KCNIP4: variants seen among roughly 807,000 people sequenced by gnomAD.
The protein encoded by KCNIP4 is potassium voltage-gated channel interacting protein 4.
In KCNIP4, 12 loss-of-function variants were observed where a neutral mutation model predicts 34.0. That is an observed-to-expected ratio of 0.35 (90% CI 0.23 to 0.57). The LOEUF is 0.57. Among genes scored for constraint, KCNIP4 ranks in the 20% least tolerant of loss-of-function variants. The probability of loss-of-function intolerance (pLI) is 0.83; values close to 1 mark genes in which losing one functional copy is unlikely to be tolerated. For synonymous variants in KCNIP4, 124 were observed against 102.2 expected (o/e 1.21, Z -1.29); for missense variants, 238 against 311.7 (o/e 0.76, Z 1.78).
chr4:21,540,277 TAA>T (rs1737570436), intron 1 of KCNIP4, among the ~76,000 whole-genome samples: 2 of 152,154 alleles, frequency 1.3e-5, no homozygotes, highest in South Asian at 4.1e-4. Flanking sequence ...GCCAAATATT[TAA>T]AAGAAGAAGT....
At chr4:21,800,902 T>C (rs1404194744) in intron 1 of KCNIP4, among the ~76,000 whole-genome samples, 4 of 152,182 alleles carry the variant, frequency 2.6e-5, no homozygotes, top group East Asian at 1.9e-4. Flanking sequence ...AAAAAGATTA[T>C]GGTCATAACA....
intron 1 of KCNIP4, among the ~76,000 whole-genome samples, chr4:21,000,674 T>G (rs1738048886): frequency 6.6e-6 from 1 of 151,448 alleles, no homozygotes; most frequent in African/African-American, 2.4e-5. Context: ...AAAAAGAACA[T>G]AACTTCGTCT....
chr4:21,615,290 T>C (rs1032427595), intron 1 of KCNIP4, among the ~76,000 whole-genome samples: 45 of 151,900 alleles, frequency 3.0e-4, no homozygotes, highest in Middle Eastern at 3.4e-3. Context: ...CCTGTAATCC[T>C]AGCACTTTGG....
At chr4:21,831,574 TACATGTCCCAAG>T (rs1722992052) in intron 1 of KCNIP4, among the ~76,000 whole-genome samples, 1 of 142,010 alleles carries the variant, frequency 7.0e-6, no homozygotes, top group Admixed American at 7.7e-5. Flanking sequence ...CCTAGCAGCA[TACATGTCCCAAG>T]ACTAAATCAT....
intron 1 of KCNIP4, among the ~76,000 whole-genome samples, chr4:21,648,689 C>CAT: frequency 6.6e-6 from 1 of 152,236 alleles, no homozygotes; most frequent in South Asian, 2.1e-4. Context: ...TTTTCATTCA[C>CAT]ATATAGATCA....
chr4:21,364,850 A>G lies in KCNIP4; in HGVS notation c.62-482141T>C, dbSNP rs145643788. ...AGAGTACTATTTGTTAGAGGCAACT[A>G]TCTTAGAAGAAAAAGTACATGAGTT... On this transcript the variant is annotated intron_variant, in intron 1 of 8. Transcript: ENST00000382152. Among the ~76,000 whole-genome samples the G allele has an allele frequency of 6.7e-3, 1,013 of 152,320 alleles. 12 individuals carry two copies. Among genetic ancestry groups the G allele is most frequent in the African/African-American group, 0.023 (968 of 41,566 alleles).
chr4:21,640,151 A>G (rs1746505289), intron 1 of KCNIP4, among the ~76,000 whole-genome samples: 1 of 152,188 alleles, frequency 6.6e-6, no homozygotes. Flanking sequence ...AGCCAATGCC[A>G]TAGGACTGCC....
intron 2 of KCNIP4, among the ~76,000 whole-genome samples, chr4:20,863,192 G>A (rs1722395759): frequency 6.6e-6 from 1 of 152,108 alleles, no homozygotes. Context: ...TTTAGAGGTA[G>A]GAGTTTTTAA....
chr4:21,719,592 G>T (rs1714636986), intron 1 of KCNIP4, among the ~76,000 whole-genome samples: 1 of 152,118 alleles, frequency 6.6e-6, no homozygotes, highest in Non-Finnish European at 1.5e-5. Flanking sequence ...TCCATTGTGT[G>T]GTTCAGTAGA....
chr4:21,154,308 TA>T (rs1345125508), intron 1 of KCNIP4, among the ~76,000 whole-genome samples: 3 of 152,194 alleles, frequency 2.0e-5, no homozygotes, highest in African/African-American at 7.2e-5. Flanking sequence ...CAAATATGTA[TA>T]ACTATTATGT....
chr4:21,675,344 A>C (rs1415791428), intron 1 of KCNIP4, among the ~76,000 whole-genome samples: 2 of 152,096 alleles, frequency 1.3e-5, no homozygotes, highest in Non-Finnish European at 1.5e-5. Flanking sequence ...GGGTGCAAAA[A>C]ATAATTAGAA....
chr4:21,863,015 AT>A (rs561845662), intron 1 of KCNIP4, among the ~76,000 whole-genome samples: 6 of 151,678 alleles, frequency 4.0e-5, no homozygotes, highest in Admixed American at 6.6e-5. Context: ...ACCTTAAGTG[AT>A]TTTTTTTCCC....
At chr4:20,961,530 CAG>C (rs796308310) in intron 1 of KCNIP4, among the ~76,000 whole-genome samples, 5 of 152,240 alleles carry the variant, frequency 3.3e-5, no homozygotes, top group African/African-American at 1.2e-4. Context: ...GGAACATACA[CAG>C]AGTTTTAAAA....
chr4:21,122,950 C>T (rs932683490), intron 1 of KCNIP4, among the ~76,000 whole-genome samples: 12 of 152,112 alleles, frequency 7.9e-5, no homozygotes, highest in Non-Finnish European at 1.5e-4. Flanking sequence ...GTGGCTCATG[C>T]CTGTAATCCC....
chr4:21,634,463 C>T (rs1260736663), intron 1 of KCNIP4, among the ~76,000 whole-genome samples: 1 of 151,952 alleles, frequency 6.6e-6, no homozygotes, highest in African/African-American at 2.4e-5. Context: ...GGAGGATCTT[C>T]AGAGATCATA....
intron 1 of KCNIP4, among the ~76,000 whole-genome samples, chr4:21,259,088 T>C (rs1761282403): frequency 6.6e-6 from 1 of 152,200 alleles, no homozygotes; most frequent in Non-Finnish European, 1.5e-5. Context: ...ACTTTTCACG[T>C]CATACTGATA....
chr4:21,945,782 T>C (rs2109024797), intron 1 of KCNIP4, among the ~76,000 whole-genome samples: 1 of 152,078 alleles, frequency 6.6e-6, no homozygotes, highest in Non-Finnish European at 1.5e-5. Flanking sequence ...GATTACGTTC[T>C]GATTTTATAG....
At chr4:20,732,901 A>G (rs1748682721) in intron 6 of KCNIP4, 116 bp from the exon 7 acceptor site, 5 of 639,222 alleles carry the variant, frequency 7.8e-6, no homozygotes, top group Non-Finnish European at 1.3e-5. Flanking sequence ...TGTTTGTTGG[A>G]TTCTTTGTTA....
intron 1 of KCNIP4, among the ~76,000 whole-genome samples, chr4:21,635,840 G>A (rs1056484540): frequency 2.0e-5 from 3 of 151,486 alleles, no homozygotes; most frequent in East Asian, 1.9e-4. Flanking sequence ...ACATGCACAC[G>A]TATGTTTATT....
Sources: gnomAD v4.1 joint callset for allele counts (sites outside exome capture counted in the v4.1 genomes callset) on GRCh38, gnomAD v4.1.1 for gene constraint, MANE v1.5 for transcripts, NCBI Gene and HGNC (gene_info 2026-07-23, HGNC 2026-07-21) for gene names.